TCF20: variants seen among roughly 807,000 people sequenced by gnomAD.
The protein encoded by TCF20 is SPRE-binding protein.
TCF20 carries 3 observed loss-of-function variants against 148.6 expected under a neutral mutation model. The ratio of observed to expected loss-of-function variants is 0.02; its 90% CI spans 0.01 to 0.05. The LOEUF (loss-of-function observed/expected upper bound fraction) is 0.05. Ranked by LOEUF, TCF20 falls within the 10% of genes least tolerant of loss-of-function variation. TCF20 has a pLI of 1.00. For synonymous variants in TCF20, 1,049 were observed against 909.5 expected, an observed-to-expected ratio of 1.15 and a Z score of -2.76; for missense variants, 2,350 against 2,429.3, an observed-to-expected ratio of 0.97 and a Z score of 0.69.
chr22:42,193,756 C>T (rs1937459722), intron 2 of TCF20, among the ~76,000 whole-genome samples: 1 of 152,038 alleles, frequency 6.6e-6, no homozygotes, highest in Non-Finnish European at 1.5e-5. Flanking sequence ...TTATAGTTTC[C>T]CAAGAAGCCA....
chr22:42,213,381 C>T lies in TCF20; in HGVS notation c.1925G>A (p.Gly642Asp). ...PAATQRPPSN[G>D]GAKETSHASL... ...TGCATGACTGGTTTCCTTTGCCCCA[C>T]CATTGCTAGGTGGCCTTTGAGTGGC... The change falls in exon 2 of 6, where the codon GGT becomes GAT. Residue 642 changes from glycine (G) to aspartate (D), a missense_variant. This residue lies in a region of TCF20 where 1,641 missense variants were observed against 1,662.6 expected (regional missense o/e 0.99). Transcript: ENST00000677622. 1 of 1,614,202 alleles carries T rather than the reference C, an allele frequency of 6.2e-7. No individual in the cohort carries two copies.
intron 1 of TCF20, among the ~76,000 whole-genome samples, chr22:42,256,429 G>A (rs1031157886): frequency 6.7e-6 from 1 of 150,298 alleles, no homozygotes; most frequent in Admixed American, 6.6e-5. Context: ...CTTATCTTTA[G>A]GGGAAGCCAA....
intron 5 of TCF20, among the ~76,000 whole-genome samples, chr22:42,166,196 T>G (rs1276316436): frequency 6.6e-6 from 1 of 152,252 alleles, no homozygotes; most frequent in Non-Finnish European, 1.5e-5. Flanking sequence ...GAGTCCATCC[T>G]CTCCCTCCAA....
intron 1 of TCF20, among the ~76,000 whole-genome samples, chr22:42,298,709 G>GCCCTAAT (rs1021417903): frequency 2.0e-5 from 3 of 152,252 alleles, no homozygotes; most frequent in Admixed American, 2.0e-4. Flanking sequence ...TCGCAAGTTT[G>GCCCTAAT]CCCTAATTTC....
At chr22:42,332,377 G>C (rs907375990) in intron 1 of TCF20, among the ~76,000 whole-genome samples, 1 of 152,172 alleles carries the variant, frequency 6.6e-6, no homozygotes, top group East Asian at 1.9e-4. Context: ...AGCTGGAGCA[G>C]GAACAGCCAG....
chr22:42,328,268 C>G (rs572748418), intron 1 of TCF20, among the ~76,000 whole-genome samples: 1 of 152,316 alleles, frequency 6.6e-6, no homozygotes, highest in African/African-American at 2.4e-5. Flanking sequence ...TCTGCAGGGC[C>G]CAGCTCTCTG....
intron 1 of TCF20, among the ~76,000 whole-genome samples, chr22:42,267,938 G>A (rs1926380443): frequency 6.6e-6 from 1 of 152,144 alleles, no homozygotes; most frequent in African/African-American, 2.4e-5. Flanking sequence ...CTGAGGTCAG[G>A]AGTTCAAGAC....
intron 1 of TCF20, among the ~76,000 whole-genome samples, chr22:42,312,537 C>T (rs886353315): frequency 6.6e-6 from 1 of 152,112 alleles, no homozygotes; most frequent in Non-Finnish European, 1.5e-5. Context: ...TCCACACTAC[C>T]CACAAAACCA....
intron 1 of TCF20, among the ~76,000 whole-genome samples, chr22:42,298,489 C>G (rs543268799): frequency 3.9e-5 from 6 of 152,330 alleles, no homozygotes; most frequent in African/African-American, 1.4e-4. Context: ...AGGGCCGAAG[C>G]CTCCTTGGCT....
chr22:42,222,891 A>G (rs1922506373), intron 1 of TCF20, among the ~76,000 whole-genome samples: 3 of 152,172 alleles, frequency 2.0e-5, no homozygotes, highest in African/African-American at 4.8e-5. Context: ...AGTGGCTCAC[A>G]CCTGTAATCC....
At chr22:42,253,767 T>C (rs1271914726) in intron 1 of TCF20, among the ~76,000 whole-genome samples, 1 of 152,032 alleles carries the variant, frequency 6.6e-6, no homozygotes, top group Non-Finnish European at 1.5e-5. Context: ...TCCTGAACCA[T>C]GAACCAAAGA....
chr22:42,212,054 A>G lies in TCF20; in HGVS notation c.3252T>C (p.His1084=), dbSNP rs986544410. The G allele has an allele frequency of 1.2e-6, 2 of 1,614,118 alleles. No homozygotes were observed. The highest frequency in any genetic ancestry group is 2.2e-5 in the South Asian group (2 of 91,080). The change falls in exon 2 of 6, where the codon CAT becomes CAC. Residue 1084 remains histidine (H), a synonymous_variant. Transcript: ENST00000677622. ...DPNAGLNSQL[H]YKRQMYQQQP... ...GCTGTTGGTACATCTGTCTCTTATAATGCAGCTGAGAATTCAAACCTGCGT... is the reference window on the plus strand; with the variant it reads ...GCTGTTGGTACATCTGTCTCTTATAGTGCAGCTGAGAATTCAAACCTGCGT...
chr22:42,221,407 A>C (rs1359660556), intron 1 of TCF20, among the ~76,000 whole-genome samples: 1 of 152,098 alleles, frequency 6.6e-6, no homozygotes, highest in Non-Finnish European at 1.5e-5. Flanking sequence ...ACACTCCTTA[A>C]ATTACCCAGT....
intron 1 of TCF20, among the ~76,000 whole-genome samples, chr22:42,316,478 G>T (rs1294188588): frequency 1.3e-5 from 2 of 152,162 alleles, no homozygotes; most frequent in East Asian, 3.9e-4. Flanking sequence ...ATCTGTCAGA[G>T]CCTGGAGGGT....
intron 1 of TCF20, among the ~76,000 whole-genome samples, chr22:42,234,377 T>A (rs1923692770): frequency 6.6e-6 from 1 of 152,154 alleles, no homozygotes; most frequent in Non-Finnish European, 1.5e-5. Context: ...ATGGGTTTAG[T>A]CCCCTCCAGA....
At chr22:42,252,288 A>C (rs1230574265) in intron 1 of TCF20, among the ~76,000 whole-genome samples, 1 of 151,702 alleles carries the variant, frequency 6.6e-6, no homozygotes, top group African/African-American at 2.4e-5. Context: ...ATCTCAAAAA[A>C]AAAAAGAAAA....
intron 1 of TCF20, among the ~76,000 whole-genome samples, chr22:42,255,288 C>T (rs990481436): frequency 1.8e-4 from 27 of 151,878 alleles, no homozygotes; most frequent in African/African-American, 5.6e-4. Context: ...AAATCGAGAC[C>T]ATCTTGACCA....
At chr22:42,174,911 T>C (rs1324890205) in intron 3 of TCF20, among the ~76,000 whole-genome samples, 1 of 151,742 alleles carries the variant, frequency 6.6e-6, no homozygotes. Flanking sequence ...GGCGGGCGCC[T>C]GTAGTCCCAG....
In TCF20 at chr22:42,168,463, C is replaced by T. The variant is rs1023021869; in HGVS notation, c.*44+146G>A. ...ACAGATAATCTGGGGAGCTAAGTAA[C>T]CAATGGAAGAACACTGCATCCACCT... On this transcript the variant is annotated intron_variant, in intron 5 of 5. Coordinates refer to ENST00000677622, the MANE Select transcript of TCF20 (RefSeq NM_001378418.1). 5 of 1,242,382 alleles carry T rather than the reference C, an allele frequency of 4.0e-6. No individual in the cohort carries two copies. The African/African-American group carries it at 7.6e-5, about 19-fold the overall frequency. The allele number at this position is 1,242,382 out of a possible 1,614,324, so 77.0% of individuals were successfully genotyped here.
Sources: gnomAD v4.1 joint callset for allele counts (sites outside exome capture counted in the v4.1 genomes callset) on GRCh38, gnomAD v4.1.1 for gene constraint, gnomAD v4.1.1 regional missense constraint, MANE v1.5 for transcripts, NCBI Gene and HGNC (gene_info 2026-07-23, HGNC 2026-07-21) for gene names.